The following DOCK10 variants were observed in gnomAD, a reference collection of about 807,000 sequenced individuals.
DOCK10 encodes dedicator of cytokinesis protein 10.
DOCK10 carries 145 observed loss-of-function variants against 280.1 expected under a neutral mutation model. The observed-to-expected ratio is 0.52, with a 90% CI of 0.45 to 0.59. The LOEUF is 0.59. Among genes scored for constraint, DOCK10 ranks in the 20% least tolerant of loss-of-function variants. DOCK10 has a pLI of 0.00. For synonymous variants in DOCK10, 915 were observed against 942.2 expected (o/e 0.97, Z 0.53); for missense variants, 2,368 against 2,651.7 (o/e 0.89, Z 2.35).
chr2:224,988,884 T>C (rs1019573071), intron 1 of DOCK10, among the ~76,000 whole-genome samples: 3 of 152,206 alleles, frequency 2.0e-5, no homozygotes, highest in Admixed American at 6.5e-5. Flanking sequence ...TCAAAGCATA[T>C]ATTTAGAATA....
Position 224,970,456 on chromosome 2 carries a change from G to A in DOCK10, c.124-38788C>T, listed in dbSNP as rs1271070250. Among the ~76,000 whole-genome samples, 2 of 152,142 alleles carry A rather than the reference G, an allele frequency of 1.3e-5. No individual in the cohort carries two copies. The highest frequency in any genetic ancestry group is 2.4e-5 in the African/African-American group (1 of 41,440). On this transcript the variant is annotated intron_variant, in intron 1 of 55. Transcript: ENST00000258390. The surrounding 1 kb of genome is among the most constrained non-coding windows in gnomAD (Gnocchi z 4.6). ...ACAACAAGCCTGATATCAATACCCA[G>A]ATTTTGTCATTATATGATTCTGTTT...
chr2:224,980,896 T>C (rs899186483), intron 1 of DOCK10, among the ~76,000 whole-genome samples: 32 of 152,156 alleles, frequency 2.1e-4, no homozygotes, highest in African/African-American at 6.8e-4. Context: ...TGGAAAAATA[T>C]GACTAGGTGA....
chr2:224,972,795 T>C (rs1705169003), intron 1 of DOCK10, among the ~76,000 whole-genome samples: 1 of 152,224 alleles, frequency 6.6e-6, no homozygotes. Context: ...ATTTCAGTTG[T>C]ATTAAAGGCT....
chr2:224,796,334 A>T lies in DOCK10; in HGVS notation c.4920T>A (p.Asn1640Lys). ...HSLAITNNFA[N>K]GDKQMKNSNF... is the part of the protein sequence containing the mutation. ...TTCTTACTTTCATTTGCTTATCTCCATTGGCGAAATTATTGGTAATTGCAA... is the reference window on the plus strand; with the variant it reads ...TTCTTACTTTCATTTGCTTATCTCCTTTGGCGAAATTATTGGTAATTGCAA... The change falls in exon 44 of 56, where the codon AAT becomes AAA. Residue 1640 changes from asparagine (N) to lysine (K), a missense_variant. Asn to Lys is a moderately conservative substitution (Grantham distance 94, BLOSUM62 0). Coordinates refer to ENST00000258390, the MANE Select transcript of DOCK10 (RefSeq NM_014689.3). The T allele has an allele frequency of 1.3e-6, 2 of 1,563,458 alleles. No homozygotes were observed. Among genetic ancestry groups the T allele is most frequent in the Non-Finnish European group, 8.7e-7 (1 of 1,152,338 alleles).
intron 1 of DOCK10, among the ~76,000 whole-genome samples, chr2:224,961,441 T>TCTTTCTTTCTTTC (rs1434880700): frequency 7.6e-6 from 1 of 131,216 alleles, no homozygotes; most frequent in East Asian, 2.4e-4. Context: ...TTTCTTTCTT[T>TCTTTCTTTCTTTC]CTTTCTTTCT....
intron 25 of DOCK10, among the ~76,000 whole-genome samples, chr2:224,835,592 A>G (rs1007809742): frequency 1.3e-5 from 2 of 152,356 alleles, no homozygotes; most frequent in Admixed American, 1.3e-4. Flanking sequence ...CAAGAGTCCA[A>G]TCACAGGATG....
chr2:224,806,028 A>G, intron 34 of DOCK10, 98 bp downstream of exon 34: 1 of 675,126 alleles, frequency 1.5e-6, no homozygotes, highest in Non-Finnish European at 2.5e-6. Context: ...CACGTAGATT[A>G]TGCATAATAA....
In DOCK10 at chr2:224,793,474, A is replaced by G; in HGVS notation, c.5155-17T>C. 6.2e-7 allele frequency: 1 copy of G among 1,609,418 alleles called. No individual in the cohort carries two copies. Among genetic ancestry groups the G allele is most frequent in the Non-Finnish European group, 8.5e-7 (1 of 1,176,368 alleles). ...CATGGCAGCCTGTAATGAGAAAGAA[A>G]ATAAAGAGGCTCAGGGGATGGAGTT... On this transcript the variant is annotated splice_polypyrimidine_tract_variant and intron_variant, in intron 45 of 55. Transcript: ENST00000258390.
intron 3 of DOCK10, among the ~76,000 whole-genome samples, chr2:224,896,865 T>C (rs1447938636): frequency 2.6e-5 from 4 of 152,252 alleles, no homozygotes; most frequent in Non-Finnish European, 5.9e-5. Flanking sequence ...ATTTTCAATT[T>C]CCCATGGAAA....
At chr2:225,015,419 G>A (rs1471719126) in intron 1 of DOCK10, among the ~76,000 whole-genome samples, 11 of 152,164 alleles carry the variant, frequency 7.2e-5, no homozygotes, top group Admixed American at 7.2e-4. Flanking sequence ...TCAGGACCAA[G>A]TTCATCTTTG....
intron 52 of DOCK10, among the ~76,000 whole-genome samples, chr2:224,773,756 C>G (rs1297422276): frequency 6.6e-6 from 1 of 151,800 alleles, no homozygotes; most frequent in Admixed American, 6.6e-5. Flanking sequence ...CTCAGCCTCT[C>G]GAGTAGCTGG....
chr2:224,936,139 G>C (rs1702680669), intron 1 of DOCK10, among the ~76,000 whole-genome samples: 1 of 152,150 alleles, frequency 6.6e-6, no homozygotes, highest in Non-Finnish European at 1.5e-5. Context: ...ATTGAAACTA[G>C]GATAAGGGTT....
chr2:224,790,070 T>A (rs947500869), intron 47 of DOCK10, among the ~76,000 whole-genome samples: 1 of 152,194 alleles, frequency 6.6e-6, no homozygotes, highest in African/African-American at 2.4e-5. Context: ...CGTGAGCCAC[T>A]GCGCCTGGCC....
At chr2:224,883,840 A>T (rs1574990876) in intron 7 of DOCK10, among the ~76,000 whole-genome samples, 1 of 152,230 alleles carries the variant, frequency 6.6e-6, no homozygotes, top group East Asian at 1.9e-4. Context: ...AATATTGCAT[A>T]TTAACCTGGG....
At chr2:225,022,790 T>G (rs1689816196) in intron 1 of DOCK10, among the ~76,000 whole-genome samples, 1 of 152,196 alleles carries the variant, frequency 6.6e-6, no homozygotes, top group Non-Finnish European at 1.5e-5. Context: ...AAATAGCTCT[T>G]TTGTCCCTAG....
At chr2:224,940,809 A>T (rs934107646) in intron 1 of DOCK10, among the ~76,000 whole-genome samples, 20 of 152,208 alleles carry the variant, frequency 1.3e-4, no homozygotes, top group African/African-American at 4.8e-4. Flanking sequence ...TTGTGTGGGA[A>T]GTTCCGGCAA....
At chr2:224,948,934 G>A (rs891085260) in intron 1 of DOCK10, among the ~76,000 whole-genome samples, 10 of 152,144 alleles carry the variant, frequency 6.6e-5, no homozygotes, top group African/African-American at 2.4e-4. Context: ...AGGCACCACA[G>A]TTCTTTATCC....
chr2:225,035,544 A>ATT (rs1690204073), intron 1 of DOCK10, among the ~76,000 whole-genome samples: 19 of 7,612 alleles, frequency 2.5e-3, no homozygotes, highest in Non-Finnish European at 5.2e-3. Context: ...GATATATATT[A>ATT]TATATATATA....
At chr2:224,870,561 C>G (rs1234626826) in intron 11 of DOCK10, among the ~76,000 whole-genome samples, 1 of 152,124 alleles carries the variant, frequency 6.6e-6, no homozygotes, top group Non-Finnish European at 1.5e-5. Flanking sequence ...TCCTCAGCTT[C>G]TTGGCACCAA....
Sources: gnomAD v4.1 joint callset for allele counts (sites outside exome capture counted in the v4.1 genomes callset) on GRCh38, gnomAD v4.1.1 for gene constraint, Gnocchi (gnomAD v3.1) non-coding constraint, MANE v1.5 for transcripts, NCBI Gene and HGNC (gene_info 2026-07-23, HGNC 2026-07-21) for gene names.